Variants in LZTS2 observed in about 807,000 individuals in gnomAD.
LZTS2 encodes the protein leucine zipper putative tumor suppressor 2.
LZTS2 carries 32 observed loss-of-function variants against 60.6 expected under a neutral mutation model. The observed-to-expected ratio is 0.53, with a 90% CI of 0.40 to 0.71. LZTS2 has a LOEUF of 0.71. Among genes scored for constraint, LZTS2 ranks in the 30% least tolerant of loss-of-function variants. The pLI is 0.00. For missense variants in LZTS2, 792 were observed against 901.9 expected (o/e 0.88, Z 1.56); for synonymous variants, 360 against 393.1 (o/e 0.92, Z 1.00).
exon 1 of LZTS2, chr10:101,001,353 AC>A (rs1306364782): frequency 6.6e-6 from 1 of 152,284 alleles, no homozygotes; most frequent in Non-Finnish European, 1.5e-5. Flanking sequence ...ATGTGAATGA[AC>A]TGATATATCA....
At chr10:101,005,985 TC>T (rs1478965546) in intron 3 of LZTS2, among the ~76,000 whole-genome samples, 4 of 152,216 alleles carry the variant, frequency 2.6e-5, no homozygotes, top group Non-Finnish European at 4.4e-5. Flanking sequence ...ATGGAACAGA[TC>T]ATTTCATCCT....
At position 101,002,753 on chromosome 10, in the gene LZTS2, CGCTGTGCCCA is replaced by C; in HGVS notation, c.225_234del (p.Ala76LeufsTer64). ...CGGGGTGGCTATGAGGCACAGGAGC[CGCTGTGCCCA>C]GCTGTGCCCCCTAGGAAGGCTGTCC... On this transcript the variant is annotated frameshift_variant, in exon 1 of 4. Transcript: ENST00000370220. LOFTEE classifies it high-confidence loss of function. The C allele has an allele frequency of 6.2e-7, 1 of 1,613,286 alleles. No homozygotes were observed. Among genetic ancestry groups the C allele is most frequent in the South Asian group, 1.1e-5 (1 of 91,058 alleles).
chr10:101,004,692 G>A (rs959382174), intron 2 of LZTS2, among the ~76,000 whole-genome samples: 1 of 152,162 alleles, frequency 6.6e-6, no homozygotes, highest in South Asian at 2.1e-4. Flanking sequence ...TTGGGCTTGA[G>A]CAAGTTGCTT....
chr10:101,006,329 A>G (rs76785369), intron 3 of LZTS2, among the ~76,000 whole-genome samples, 156 bp from the exon 5 acceptor site: 312 of 152,318 alleles, frequency 2.0e-3, no homozygotes, highest in African/African-American at 7.2e-3. Context: ...TAACTGTATG[A>G]CCTTGGACAT....
At chr10:101,003,004 C>T in intron 1 of LZTS2, 58 bp downstream of exon 2, 1 of 1,528,566 alleles carries the variant, frequency 6.5e-7, no homozygotes, top group Non-Finnish European at 8.8e-7. Flanking sequence ...GCTTGGGAAA[C>T]TGGAATTTAG....
upstream of LZTS2, among the ~76,000 whole-genome samples, chr10:100,997,820 G>T (rs969737396): frequency 6.6e-6 from 1 of 152,224 alleles, no homozygotes. Flanking sequence ...CCTGGAGCGG[G>T]GATAAGCCCT....
chr10:100,997,887 G>A (rs947309771), upstream of LZTS2, among the ~76,000 whole-genome samples: 5 of 152,342 alleles, frequency 3.3e-5, no homozygotes, highest in South Asian at 2.1e-4. Context: ...GGAGGGCCCG[G>A]CTGCTGGGCA....
At chr10:101,004,162 G>A in exon 2 of LZTS2, 1 of 1,597,064 alleles carries the variant, frequency 6.3e-7, no homozygotes, top group Non-Finnish European at 8.6e-7. Flanking sequence ...GCTACCATGT[G>A]CCAGGTGTGG....
intron 3 of LZTS2, 121 bp from the exon 5 acceptor site, chr10:101,006,364 C>T: frequency 4.2e-6 from 6 of 1,441,730 alleles, no homozygotes; most frequent in Non-Finnish European, 5.5e-6. Context: ...TTTAGTGTCT[C>T]CATCTGTAAA....
rs1242525296 is a variant in LZTS2, at chr10:101,006,775, GC to G, written c.1622del (p.Pro541LeufsTer70). 2.6e-6 allele frequency: 4 copies of G among 1,555,468 alleles called. No individual in the cohort carries two copies. Among genetic ancestry groups the G allele is most frequent in the Non-Finnish European group, 2.6e-6 (3 of 1,150,358 alleles). On this transcript the variant is annotated frameshift_variant, in exon 4 of 4. Transcript: ENST00000370220. LOFTEE classifies it high-confidence loss of function. The stretch of plus-strand genomic sequence containing the variant: ...ATGCTGAGGCGGCCGGACTCCGGGA[GC>G]CCCCTGTGCCACCTGCCACCGCTGA...
In LZTS2 at chr10:101,000,118, C is replaced by T. The variant is rs548620366; in HGVS notation, c.-2421C>T. 2.6e-5 allele frequency: 4 copies of T among 152,482 alleles called. No homozygotes were observed. In the East Asian group the frequency reaches 7.7e-4, roughly 29 times the overall value. 9.4% of individuals were successfully genotyped at this position (152,482 alleles called of 1,614,324 possible). On this transcript the variant is annotated 5_prime_UTR_variant, in exon 1 of 4. Coordinates refer to ENST00000370220, the Ensembl canonical transcript of LZTS2. ...CTGGCTTCCCGCCGCAGAATGGGAA[C>T]TCGTGATCGCAGACTTGACCCCGCT...
At chr10:101,005,616 A>G (rs1363736192) in exon 3 of LZTS2, 2 of 1,611,462 alleles carry the variant, frequency 1.2e-6, no homozygotes, top group Non-Finnish European at 1.7e-6. Flanking sequence ...ACGACTTCGC[A>G]CAGCTGCTGC....
At chr10:100,999,233 T>G (rs10883568), upstream of LZTS2, among the ~76,000 whole-genome samples, 141,897 of 152,306 alleles carry the variant, frequency 0.93, 66,152 homozygotes, top group African/African-American at 0.95. Flanking sequence ...GCCCGCGTGT[T>G]GGGGGCGGCT....
exon 2 of LZTS2, chr10:101,003,935 C>G: frequency 6.2e-7 from 1 of 1,611,688 alleles, no homozygotes; most frequent in Non-Finnish European, 8.5e-7. Flanking sequence ...CCTCCTCCAG[C>G]AAGAGCACAG....
At chr10:101,003,840 C>T in exon 2 of LZTS2, 2 of 1,613,384 alleles carry the variant, frequency 1.2e-6, no homozygotes, top group Non-Finnish European at 1.7e-6. Flanking sequence ...CGGGCACCTG[C>T]CTTCCCATGG....
chr10:101,007,025 C>G (rs1466639303), exon 4 of LZTS2: 4 of 1,583,380 alleles, frequency 2.5e-6, no homozygotes, highest in Non-Finnish European at 2.6e-6. Flanking sequence ...CAACTACATC[C>G]AGATGTACCG....
exon 2 of LZTS2, chr10:101,003,670 C>T: frequency 6.2e-7 from 1 of 1,611,590 alleles, no homozygotes; most frequent in Non-Finnish European, 8.5e-7. Flanking sequence ...TCCTCCTCCT[C>T]CTCTTCCTCC....
exon 1 of LZTS2, chr10:101,002,078 G>A (rs1852051037): frequency 6.4e-6 from 1 of 155,556 alleles, no homozygotes; most frequent in Non-Finnish European, 1.4e-5. Flanking sequence ...TTGCACCCCT[G>A]AGGTACCTCT....
At chr10:101,007,763 A>G in exon 4 of LZTS2, 1 of 588,752 alleles carries the variant, frequency 1.7e-6, no homozygotes, top group Non-Finnish European at 2.2e-6. Flanking sequence ...TTTCACTTGT[A>G]TATTTTTCAC....
Sources: allele counts gnomAD v4.1 joint callset (sites outside exome capture counted in the v4.1 genomes callset), GRCh38; gene constraint gnomAD v4.1.1; transcripts MANE v1.5; gene names NCBI Gene and HGNC (gene_info 2026-07-23, HGNC 2026-07-21).